The following CNTNAP4 variants were observed in gnomAD, a reference collection of about 807,000 sequenced individuals.
The protein encoded by CNTNAP4 is contactin associated protein family member 4, also known as contactin-associated protein-like 4.
In CNTNAP4, 98 loss-of-function variants were observed where a neutral mutation model predicts 148.4. The ratio of observed to expected loss-of-function variants is 0.66; its 90% CI spans 0.56 to 0.78. CNTNAP4 has a LOEUF of 0.78. Among genes scored for constraint, CNTNAP4 ranks in the 30% least tolerant of loss-of-function variants. The pLI is 0.00. For synonymous variants in CNTNAP4, 730 were observed against 565.1 expected (o/e 1.29, Z -4.14); for missense variants, 1,935 against 1,565.6 (o/e 1.24, Z -3.98).
chr16:76,499,411 A>G (rs2082536030), intron 15 of CNTNAP4, among the ~76,000 whole-genome samples: 1 of 152,058 alleles, frequency 6.6e-6, no homozygotes, highest in African/African-American at 2.4e-5. Context: ...TGACCAGTTA[A>G]GAATGGAAAA....
chr16:76,458,931 T>TC (rs1001262643), intron 8 of CNTNAP4, among the ~76,000 whole-genome samples: 1 of 151,802 alleles, frequency 6.6e-6, no homozygotes, highest in Non-Finnish European at 1.5e-5. Context: ...AATTTACAGT[T>TC]CCCCCTTTTT....
At chr16:76,455,183 A>G (rs1364999758) in intron 8 of CNTNAP4, among the ~76,000 whole-genome samples, 1 of 152,166 alleles carries the variant, frequency 6.6e-6, no homozygotes, top group Non-Finnish European at 1.5e-5. Context: ...CACCTTTATA[A>G]ATGTCAAAGC....
intron 2 of CNTNAP4, among the ~76,000 whole-genome samples, chr16:76,337,563 A>C (rs1209599375): frequency 6.6e-6 from 1 of 152,152 alleles, no homozygotes. Context: ...AGAATTATTG[A>C]TGAGGTTCCA....
chr16:76,359,816 A>G lies in CNTNAP4; in HGVS notation c.390+4305A>G, dbSNP rs373570669. Among the ~76,000 whole-genome samples, 3 of 152,354 alleles carry G rather than the reference A, an allele frequency of 2.0e-5. 1 individual carries two copies. In the East Asian group the frequency reaches 5.8e-4, roughly 29 times the overall value. ...AAAAAGGTTCTCTTCAGTTTATTGT[A>G]CATGATTGAAAAAGTAAACATAAGG... On this transcript the variant is annotated intron_variant, in intron 3 of 23. Transcript: ENST00000611870.
intron 4 of CNTNAP4, among the ~76,000 whole-genome samples, chr16:76,444,762 T>G (rs1255006466): frequency 6.6e-6 from 1 of 152,166 alleles, no homozygotes; most frequent in Non-Finnish European, 1.5e-5. Flanking sequence ...AGAATTTTTT[T>G]TCATTTCCTG....
intron 3 of CNTNAP4, among the ~76,000 whole-genome samples, chr16:76,362,056 C>G (rs1453913220): frequency 6.6e-6 from 1 of 151,988 alleles, no homozygotes; most frequent in Non-Finnish European, 1.5e-5. Flanking sequence ...GGGGAAGTTA[C>G]TGATATATTT....
At chr16:76,341,922 G>C (rs1007803858) in intron 2 of CNTNAP4, among the ~76,000 whole-genome samples, 1 of 152,146 alleles carries the variant, frequency 6.6e-6, no homozygotes, top group Non-Finnish European at 1.5e-5. Context: ...ATGTCCTATC[G>C]AGTCACAGAA....
chr16:76,289,065 C>G (rs552228191), intron 1 of CNTNAP4, among the ~76,000 whole-genome samples: 1 of 141,584 alleles, frequency 7.1e-6, no homozygotes, highest in Non-Finnish European at 1.5e-5. Flanking sequence ...TTCCCTCTCA[C>G]CTTTTAAAAA....
chr16:76,312,561 G>A (rs1040633344), intron 1 of CNTNAP4, among the ~76,000 whole-genome samples: 1 of 152,110 alleles, frequency 6.6e-6, no homozygotes, highest in Non-Finnish European at 1.5e-5. Context: ...GACTGTTGAA[G>A]ATCAAATGGG....
chr16:76,456,632 C>T (rs2080741142), intron 8 of CNTNAP4, among the ~76,000 whole-genome samples: 1 of 151,450 alleles, frequency 6.6e-6, no homozygotes, highest in Non-Finnish European at 1.5e-5. Context: ...CAGAAGAACA[C>T]CAAAGCCCAG....
At chr16:76,410,955 G>T (rs751289264) in intron 3 of CNTNAP4, among the ~76,000 whole-genome samples, 9 of 151,512 alleles carry the variant, frequency 5.9e-5, no homozygotes, top group Admixed American at 1.3e-4. Flanking sequence ...TAAAGATACA[G>T]TGGTACTCAG....
At chr16:76,286,654 G>A (rs1263573140) in intron 1 of CNTNAP4, among the ~76,000 whole-genome samples, 1 of 152,010 alleles carries the variant, frequency 6.6e-6, no homozygotes, top group Admixed American at 6.6e-5. Flanking sequence ...AACTCCTGAA[G>A]ACAATGCGGT....
At chr16:76,394,168 G>A (rs963505692) in intron 3 of CNTNAP4, among the ~76,000 whole-genome samples, 3 of 152,280 alleles carry the variant, frequency 2.0e-5, no homozygotes, top group African/African-American at 2.4e-5. Flanking sequence ...GGCATTCATC[G>A]TGAGAGACTC....
intron 17 of CNTNAP4, among the ~76,000 whole-genome samples, chr16:76,534,589 C>T (rs2084133922): frequency 6.6e-6 from 1 of 152,138 alleles, no homozygotes. Context: ...CTACCCAGGG[C>T]TTACACTTCT....
At chr16:76,408,292 A>G (rs1021438725) in intron 3 of CNTNAP4, among the ~76,000 whole-genome samples, 1 of 152,078 alleles carries the variant, frequency 6.6e-6, no homozygotes, top group Non-Finnish European at 1.5e-5. Flanking sequence ...TTATAAAGGA[A>G]TATATTAGCT....
chr16:76,450,057 T>C (rs895654875), intron 7 of CNTNAP4, among the ~76,000 whole-genome samples, 199 bp downstream of exon 7: 1 of 152,180 alleles, frequency 6.6e-6, no homozygotes, highest in Non-Finnish European at 1.5e-5. Context: ...AATTATTTTA[T>C]TTTTATATGA....
chr16:76,441,259 G>A (rs1597549976), intron 4 of CNTNAP4, among the ~76,000 whole-genome samples: 1 of 151,964 alleles, frequency 6.6e-6, no homozygotes, highest in Non-Finnish European at 1.5e-5. Flanking sequence ...TGTCTTCCAC[G>A]GTATTCACAG....
At chr16:76,324,465 G>A (rs961013641) in intron 2 of CNTNAP4, among the ~76,000 whole-genome samples, 1 of 152,042 alleles carries the variant, frequency 6.6e-6, no homozygotes, top group Non-Finnish European at 1.5e-5. Flanking sequence ...GATTTATGAG[G>A]GCATAGCTGC....
At chr16:76,333,265 A>G (rs955874191) in intron 2 of CNTNAP4, among the ~76,000 whole-genome samples, 1 of 152,094 alleles carries the variant, frequency 6.6e-6, no homozygotes, top group Non-Finnish European at 1.5e-5. Flanking sequence ...TCTTATAGCC[A>G]TGATGTGTCT....
Sources: allele counts gnomAD v4.1 joint callset (sites outside exome capture counted in the v4.1 genomes callset), GRCh38; gene constraint gnomAD v4.1.1; transcripts MANE v1.5; gene names NCBI Gene and HGNC (gene_info 2026-07-23, HGNC 2026-07-21).